The following TDRKH variants were observed in gnomAD, a reference collection of about 807,000 sequenced individuals.
TDRKH encodes the protein tudor and KH domain-containing protein.
TDRKH carries 28 observed loss-of-function variants against 61.3 expected under a neutral mutation model. That is an observed-to-expected ratio of 0.46 (90% CI 0.34 to 0.63). The LOEUF (loss-of-function observed/expected upper bound fraction) is 0.63, where lower values mean the gene tolerates loss of function less well. Among genes scored for constraint, TDRKH ranks in the 20% least tolerant of loss-of-function variants. The pLI, the probability that TDRKH is intolerant of heterozygous loss-of-function variation, is 0.01. For missense variants in TDRKH, 540 were observed against 683.4 expected, an observed-to-expected ratio of 0.79 and a Z score of 2.34; for synonymous variants, 219 against 244.4, an observed-to-expected ratio of 0.90 and a Z score of 0.97.
chr1:151,787,195 ACTTCTTTTGT>A (rs1650395293), intron 1 of TDRKH, among the ~76,000 whole-genome samples: 1 of 152,174 alleles, frequency 6.6e-6, no homozygotes, highest in Non-Finnish European at 1.5e-5. Context: ...AAAGAATTTG[ACTTCTTTTGT>A]CCCCTGATTA....
chr1:151,774,726 G>A lies in TDRKH; in HGVS notation c.1617C>T (p.Ser539=). The A allele has an allele frequency of 6.2e-7, 1 of 1,614,176 alleles. No individual in the cohort carries two copies. Among genetic ancestry groups the A allele is most frequent in the Non-Finnish European group, 8.5e-7 (1 of 1,180,016 alleles). Residue 539 remains serine (S), a synonymous_variant, in exon 12 of 13, where the codon TCC becomes TCT. Coordinates refer to ENST00000368824, the MANE Select transcript of TDRKH (RefSeq NM_001083965.2). Reference sequence around the variant, plus strand: ...TGCTTGTACCTGATAAGCTGAGGCAGGACAGGGTATGTGTTATCTCTCCAG... The same window carrying A: ...TGCTTGTACCTGATAAGCTGAGGCAAGACAGGGTATGTGTTATCTCTCCAG... ...KSSGEITHTL[S]CLSLSEAASM... is the part of the protein sequence containing the mutation.
chr1:151,766,514 C>T (rs1648363253), downstream of TDRKH: 6 of 574,248 alleles, frequency 1.0e-5, no homozygotes, highest in Non-Finnish European at 1.8e-5. Context: ...ATCATTCATA[C>T]AGCCATAACA....
chr1:151,785,322 C>T (rs7416415), intron 1 of TDRKH, among the ~76,000 whole-genome samples: 125,217 of 152,144 alleles, frequency 0.82, 51,788 homozygotes, highest in Middle Eastern at 0.92. Context: ...ACCTTCAAAT[C>T]ATCCAGAATC....
chr1:151,785,749 C>T (rs1650251341), intron 1 of TDRKH, among the ~76,000 whole-genome samples: 1 of 152,160 alleles, frequency 6.6e-6, no homozygotes, highest in Non-Finnish European at 1.5e-5. Flanking sequence ...CTTAGGGTAA[C>T]AGCACCTGTA....
chr1:151,767,382 A>C, downstream of TDRKH: 2 of 1,549,090 alleles, frequency 1.3e-6, no homozygotes, highest in Non-Finnish European at 1.7e-6. Flanking sequence ...GCAAGTTGGA[A>C]GATGAATTAC....
chr1:151,780,163 C>T (rs1649609741), intron 3 of TDRKH, 23 bp from the exon 4 acceptor site: 5 of 1,601,304 alleles, frequency 3.1e-6, no homozygotes, highest in Non-Finnish European at 3.4e-6. Flanking sequence ...GGACATTTGG[C>T]AGTACATTCT....
downstream of TDRKH, among the ~76,000 whole-genome samples, chr1:151,772,243 G>A (rs556591541): frequency 4.7e-5 from 7 of 149,124 alleles, no homozygotes; most frequent in South Asian, 1.5e-3. Flanking sequence ...TAGGACCACA[G>A]GCACACACCA....
chr1:151,779,667 G>A (rs1649555615), intron 4 of TDRKH: 8 of 388,976 alleles, frequency 2.1e-5, no homozygotes, highest in Admixed American at 4.0e-5. Flanking sequence ...GAGATAACAT[G>A]AGCATCCCAA....
Position 151,781,570 on chromosome 1 carries a change from C to G in TDRKH, c.142G>C (p.Val48Leu). The stretch of plus-strand genomic sequence containing the variant: ...TCTATCTCAATGTCATCTTCCCCAA[C>G]AAATGTCAGCCGCTCTTCTGCACAG... Reference protein sequence around the residue: ...RESREERLTFVGEDDIEIEMR... With the variant: ...RESREERLTFLGEDDIEIEMR... Residue 48 changes from valine to leucine, a missense_variant, in exon 3 of 13, where the codon GTT becomes CTT. Val to Leu is a conservative substitution (Grantham distance 32). Coordinates refer to ENST00000368824, the MANE Select transcript of TDRKH (RefSeq NM_001083965.2). 6.2e-7 allele frequency: 1 copy of G among 1,613,574 alleles called. No individual in the cohort carries two copies. Among genetic ancestry groups the G allele is most frequent in the Admixed American group, 1.7e-5 (1 of 59,978 alleles).
chr1:151,780,082 C>T lies in TDRKH; in HGVS notation c.290G>A (p.Arg97Gln). ...DVDTEDVGDE[R>Q]VLLISGFPVQ... ...AGGAAAACCACTGATAAGCAGCACT[C>T]GCTCATCGCCTACATCCTCTGTGTC... Residue 97 changes from arginine to glutamine, a missense_variant, in exon 4 of 13, where the codon CGA (arginine) becomes CAA (glutamine). Around this residue, in one of 3 missense-constraint regions of TDRKH, gnomAD observed 156 missense variants for 218.0 expected, o/e 0.72. Transcript: ENST00000368824. The T allele has an allele frequency of 8.7e-6, 14 of 1,614,200 alleles. No homozygotes were observed. Among genetic ancestry groups the T allele is most frequent in the Non-Finnish European group, 1.1e-5 (13 of 1,180,030 alleles).
downstream of TDRKH, chr1:151,770,647 T>C (rs769561010): frequency 2.9e-5 from 7 of 242,966 alleles, no homozygotes; most frequent in East Asian, 1.2e-4. Flanking sequence ...ACAGAAACTA[T>C]AGCCTCTTGC....
downstream of TDRKH, chr1:151,770,285 T>G (rs78432452): frequency 9.5e-3 from 15,275 of 1,605,988 alleles, 1,238 homozygotes; most frequent in African/African-American, 0.18. Flanking sequence ...TTCCTTGCTT[T>G]TCGCGCTGAG....
downstream of TDRKH, chr1:151,766,846 G>A (rs561852736): frequency 2.7e-5 from 44 of 1,612,414 alleles, 1 homozygote; most frequent in Admixed American, 8.4e-5. Context: ...TACAAGTACC[G>A]GATCACTCTC....
intron 1 of TDRKH, among the ~76,000 whole-genome samples, chr1:151,786,460 C>T (rs1464587087): frequency 6.6e-6 from 1 of 152,160 alleles, no homozygotes; most frequent in African/African-American, 2.4e-5. Flanking sequence ...CAGAATGGTG[C>T]ACAATTTAAA....
rs762105438 is a variant in TDRKH at position 151,778,767 on chromosome 1, C to T, written c.801G>A (p.Lys267=). Residue 267 remains lysine, a synonymous_variant, in exon 6 of 13, where the codon AAG becomes AAA. Transcript: ENST00000368824. ...GGGDMAVVVS[K]EGSWEKPSDD... is the part of the protein sequence containing the mutation. Reference sequence around the variant, plus strand: ...CACTAGGTTTCTCCCAGGAACCTTCCTTTGACACTACCACAGCCATGTCGC... The same window carrying T: ...CACTAGGTTTCTCCCAGGAACCTTCTTTTGACACTACCACAGCCATGTCGC... 18 of 1,614,074 alleles carry T rather than the reference C, an allele frequency of 1.1e-5. No homozygotes were observed. The highest frequency in any genetic ancestry group is 2.2e-5 in the East Asian group (1 of 44,898).
chr1:151,781,729 A>G lies in TDRKH; in HGVS notation c.125-142T>C, dbSNP rs192725470. On this transcript the variant is annotated intron_variant, in intron 2 of 12. Coordinates refer to ENST00000368824, the MANE Select transcript of TDRKH (RefSeq NM_001083965.2). ...GATCTCAACCATAACAACAAGGAAA[A>G]GTGGCATCTGAATGGGAATTAGAAG... The G allele has an allele frequency of 2.6e-4, 176 of 688,628 alleles. 1 individual carries two copies. In the African/African-American group the frequency reaches 2.9e-3, roughly 11 times the overall value. The allele number at this position is 688,628 out of a possible 1,614,324, so 42.7% of individuals were successfully genotyped here.
downstream of TDRKH, chr1:151,771,582 T>C: frequency 3.0e-6 from 1 of 332,946 alleles, no homozygotes; most frequent in Non-Finnish European, 5.3e-6. Context: ...GCTGTTTTTA[T>C]CCATATATTT....
At chr1:151,767,193 A>G, downstream of TDRKH, 1 of 1,613,748 alleles carries the variant, frequency 6.2e-7, no homozygotes, top group Non-Finnish European at 8.5e-7. Context: ...AGGACTTGAC[A>G]CTCCAGCCCC....
At chr1:151,770,188 G>C, downstream of TDRKH, 1 of 1,613,892 alleles carries the variant, frequency 6.2e-7, no homozygotes, top group Non-Finnish European at 8.5e-7. Context: ...TGCAACCCTG[G>C]AGTACGTGGA....
Sources: gnomAD v4.1 joint callset for allele counts (sites outside exome capture counted in the v4.1 genomes callset) on GRCh38, gnomAD v4.1.1 for gene constraint, gnomAD v4.1.1 regional missense constraint, MANE v1.5 for transcripts, NCBI Gene and HGNC (gene_info 2026-07-23, HGNC 2026-07-21) for gene names.